Variants in KCNV2 observed in about 807,000 individuals in gnomAD.
KCNV2 encodes potassium voltage-gated channel subfamily V member 2.
KCNV2 carries 65 observed loss-of-function variants against 37.0 expected under a neutral mutation model. That is an observed-to-expected ratio of 1.76 (90% CI 1.44 to 2.16). The LOEUF (loss-of-function observed/expected upper bound fraction) is 2.16. Ranked by LOEUF, KCNV2 falls within the 30% of genes most tolerant of loss-of-function variation. The pLI, the probability that KCNV2 is intolerant of heterozygous loss-of-function variation, is 0.00. For missense variants in KCNV2, 1,232 were observed against 766.7 expected, an observed-to-expected ratio of 1.61 and a Z score of -7.17; for synonymous variants, 518 against 328.6, an observed-to-expected ratio of 1.58 and a Z score of -6.23.
intron 1 of KCNV2, among the ~76,000 whole-genome samples, chr9:2,721,676 G>C (rs144853728): frequency 2.6e-5 from 4 of 152,234 alleles, no homozygotes; most frequent in East Asian, 1.9e-4. Flanking sequence ...AAACAATCAA[G>C]TTTTTTCTCT....
chr9:2,721,528 G>A (rs1349878035), intron 1 of KCNV2, among the ~76,000 whole-genome samples: 1 of 152,116 alleles, frequency 6.6e-6, no homozygotes, highest in African/African-American at 2.4e-5. Context: ...AAAGTGAAAA[G>A]AAACAAAACA....
Position 2,718,426 on chromosome 9 carries a change from G to C in KCNV2, c.687G>C (p.Ala229=), listed in dbSNP as rs371912406. 1 of 1,605,540 alleles carries C rather than the reference G, an allele frequency of 6.2e-7. No homozygotes were observed. Among genetic ancestry groups the C allele is most frequent in the Non-Finnish European group, 8.5e-7 (1 of 1,176,948 alleles). ...ELRAQAQVEE[A]EELFRDMRFY... is the part of the protein sequence containing the mutation. The stretch of plus-strand genomic sequence containing the variant: ...GCGCGCAGGCGCAGGTCGAGGAGGC[G>C]GAGGAACTCTTCCGCGACATGCGCT... The change falls in exon 1 of 2, where the codon GCG becomes GCC. Residue 229 remains alanine (A), a synonymous_variant. Coordinates refer to ENST00000382082, the MANE Select transcript of KCNV2 (RefSeq NM_133497.4).
chr9:2,719,549 G>A (rs12336637), intron 1 of KCNV2, among the ~76,000 whole-genome samples: 1 of 151,994 alleles, frequency 6.6e-6, no homozygotes, highest in South Asian at 2.1e-4. Context: ...AAGGAGGTGA[G>A]ACTTGGCTGA....
rs376858051 is a variant in KCNV2 at position 2,718,710 on chromosome 9, C to A, written c.971C>A (p.Thr324Lys). The A allele has an allele frequency of 3.7e-6, 6 of 1,613,124 alleles. No individual in the cohort carries two copies. Among genetic ancestry groups the A allele is most frequent in the Admixed American group, 3.3e-5 (2 of 60,024 alleles). Residue 324 changes from threonine to lysine, a missense_variant, in exon 1 of 2, where the codon ACG becomes AAG. By Grantham distance (78) the Thr-to-Lys change is moderately conservative. Transcript: ENST00000382082. ...GAGTACCTGCTGCGCCTAGCCTCCA[C>A]GCCCGACCTGAGGCGCTTCGCGCGC... ...TLEYLLRLAS[T>K]PDLRRFARSA...
intron 1 of KCNV2, among the ~76,000 whole-genome samples, chr9:2,722,438 A>T (rs981137115): frequency 7.2e-6 from 1 of 138,628 alleles, no homozygotes; most frequent in Non-Finnish European, 1.5e-5. Context: ...GTTATTTATA[A>T]ATAAGTTATT....
At position 2,717,799 on chromosome 9, in the gene KCNV2, G is replaced by A. The variant is rs199939330; in HGVS notation, c.60G>A (p.Glu20=). 8.7e-6 allele frequency: 14 copies of A among 1,614,254 alleles called. No individual in the cohort carries two copies. The East Asian group carries it at 1.6e-4, about 18-fold the overall frequency. Reference sequence around the variant, plus strand: ...GCTACAGGCCCTGGAACACGACGGAGAATGAGGGCAGCCAACACCGCAGGA... The same window carrying A: ...GCTACAGGCCCTGGAACACGACGGAAAATGAGGGCAGCCAACACCGCAGGA... ...SWSYRPWNTT[E]NEGSQHRRSI... Residue 20 remains glutamate (E), a synonymous_variant, in exon 1 of 2, where the codon GAG becomes GAA. Coordinates refer to ENST00000382082, the MANE Select transcript of KCNV2 (RefSeq NM_133497.4).
chr9:2,728,525 A>G (rs191255252), intron 1 of KCNV2, among the ~76,000 whole-genome samples: 12 of 152,324 alleles, frequency 7.9e-5, no homozygotes, highest in African/African-American at 2.9e-4. Flanking sequence ...TGTTAACCTA[A>G]ATAAGTCTCC....
chr9:2,726,218 GA>G (rs1055217356), intron 1 of KCNV2, among the ~76,000 whole-genome samples: 123 of 152,248 alleles, frequency 8.1e-4, no homozygotes, highest in African/African-American at 2.8e-3. Context: ...CAAAGCCAAG[GA>G]ATCCTGAGTT....
intron 1 of KCNV2, among the ~76,000 whole-genome samples, chr9:2,720,007 C>T (rs909822342): frequency 2.6e-5 from 4 of 152,132 alleles, no homozygotes; most frequent in Non-Finnish European, 4.4e-5. Context: ...CTTCTCAGAT[C>T]GATGAATAAG....
rs574582499 is a variant in KCNV2 at position 2,718,968 on chromosome 9, A to C, written c.1229A>C (p.Gln410Pro). The C allele has an allele frequency of 4.3e-6, 7 of 1,611,252 alleles. No homozygotes were observed. In the African/African-American group the frequency reaches 9.3e-5, roughly 21 times the overall value. ...TTCACGCTGCGCCAGTGCTACCAGC[A>C]GGTGGGCTGCCTGCTGCTCTTCATC... ...FGFTLRQCYQ[Q>P]VGCLLLFIAM... The change falls in exon 1 of 2, where the codon CAG becomes CCG. Residue 410 changes from glutamine (Q) to proline (P), a missense_variant. Coordinates refer to ENST00000382082, the MANE Select transcript of KCNV2 (RefSeq NM_133497.4).
In KCNV2 at chr9:2,717,808, C is replaced by A; in HGVS notation, c.69C>A (p.Gly23=). The change falls in exon 1 of 2, where the codon GGC becomes GGA. Residue 23 remains glycine, a synonymous_variant. Transcript: ENST00000382082. ...YRPWNTTENE[G]SQHRRSICSL... The stretch of plus-strand genomic sequence containing the variant: ...CCTGGAACACGACGGAGAATGAGGG[C>A]AGCCAACACCGCAGGAGCATTTGCT... The A allele has an allele frequency of 6.2e-7, 1 of 1,614,222 alleles. No homozygotes were observed.
chr9:2,729,307 C>T lies in KCNV2; in HGVS notation c.1357-139C>T, dbSNP rs1232224105. On this transcript the variant is annotated intron_variant, in intron 1 of 1. Transcript: ENST00000382082. ...CTAGAGGGAGTCTTCCTGGTACCTCCTAAAGCAGGCTCCGTGGGAAGCCAT... is the reference window on the plus strand; with the variant it reads ...CTAGAGGGAGTCTTCCTGGTACCTCTTAAAGCAGGCTCCGTGGGAAGCCAT... The T allele has an allele frequency of 7.8e-6, 7 of 892,170 alleles. No homozygotes were observed. The South Asian group carries it at 8.4e-5, about 11-fold the overall frequency. 55.3% of individuals were successfully genotyped at this position (892,170 alleles called of 1,614,324 possible).
Position 2,718,135 on chromosome 9 carries a change from C to G in KCNV2, c.396C>G (p.Arg132=), listed in dbSNP as rs751274302. ...GTCGCCTGGCCACCTCCACCAGCCGCAGCCGCCAGCTAAGCCTGTGCGACG... is the reference window on the plus strand; with the variant it reads ...GTCGCCTGGCCACCTCCACCAGCCGGAGCCGCCAGCTAAGCCTGTGCGACG... ...RLGRLATSTS[R]SRQLSLCDDY... The change falls in exon 1 of 2, where the codon CGC becomes CGG. Residue 132 remains arginine (R), a synonymous_variant. Transcript: ENST00000382082. The G allele has an allele frequency of 5.6e-6, 9 of 1,608,682 alleles. No individual in the cohort carries two copies. In the South Asian group the frequency reaches 8.8e-5, roughly 16 times the overall value.
rs776920442 is a variant in KCNV2, at chr9:2,729,440, C to G, written c.1357-6C>G. ...ACAATTCCATCCTGCTTTCCTTCCT[C>G]TACAGGTGAGCATCTCCACCGTGGG... On this transcript the variant is annotated splice_polypyrimidine_tract_variant and splice_region_variant and intron_variant, in intron 1 of 1. Transcript: ENST00000382082. 11 of 1,613,148 alleles carry G rather than the reference C, an allele frequency of 6.8e-6. No homozygotes were observed. The highest frequency in any genetic ancestry group is 9.3e-6 in the Non-Finnish European group (11 of 1,179,968).
chr9:2,718,598 C>T lies in KCNV2; in HGVS notation c.859C>T (p.Gln287Ter), dbSNP rs761906313. The stretch of plus-strand genomic sequence containing the variant: ...GCTCAACACCGTGGAGGAGATGCAG[C>T]AGCACTCGGGGCAGGGCGAGGGCGG... ...LALNTVEEMQ[Q>*]HSGQGEGGPD... The change falls in exon 1 of 2, where the codon CAG becomes TAG. Residue 287 changes from glutamine (Q) to a stop codon, truncating the protein, a stop_gained. Transcript: ENST00000382082. LOFTEE classifies it high-confidence loss of function. 8 of 1,613,020 alleles carry T rather than the reference C, an allele frequency of 5.0e-6. No homozygotes were observed. Among genetic ancestry groups the T allele is most frequent in the Non-Finnish European group, 5.9e-6 (7 of 1,179,806 alleles).
intron 1 of KCNV2, among the ~76,000 whole-genome samples, chr9:2,726,213 C>G (rs914264620): frequency 2.0e-5 from 3 of 152,102 alleles, no homozygotes; most frequent in African/African-American, 7.2e-5. Flanking sequence ...TTCCCCAAAG[C>G]CAAGGAATCC....
In KCNV2 at chr9:2,717,984, C is replaced by T. The variant is rs370044423; in HGVS notation, c.245C>T (p.Thr82Ile). Residue 82 changes from threonine (T) to isoleucine (I), a missense_variant, in exon 1 of 2, where the codon ACC becomes ATC. Thr to Ile is a moderately conservative substitution (Grantham distance 89, BLOSUM62 -1). Transcript: ENST00000382082. ...AEEDQQAGEV[T>I]TAKPEGPSDP... ...GAGGACCAGCAGGCAGGGGAGGTCA[C>T]CACCGCCAAGCCCGAGGGCCCCAGC... The T allele has an allele frequency of 4.6e-5, 75 of 1,614,144 alleles. No homozygotes were observed. Among genetic ancestry groups the T allele is most frequent in the East Asian group, 3.8e-4 (17 of 44,860 alleles).
intron 1 of KCNV2, among the ~76,000 whole-genome samples, chr9:2,720,129 C>G (rs1255011418): frequency 2.0e-5 from 3 of 152,178 alleles, no homozygotes; most frequent in African/African-American, 7.2e-5. Context: ...TTTCCCATGT[C>G]AGAAAGTAGA....
chr9:2,730,021 A>C lies in KCNV2; in HGVS notation c.*294A>C. ...GCTTCTCGTGGCATCTAGCTCAATA[A>C]ATATTTTTGGACTTGAGTTGACTTG... On this transcript the variant is annotated 3_prime_UTR_variant, in exon 2 of 2. Transcript: ENST00000382082. 3.0e-6 allele frequency: 1 copy of C among 334,686 alleles called. No homozygotes were observed. Among genetic ancestry groups the C allele is most frequent in the Non-Finnish European group, 5.5e-6 (1 of 182,246 alleles). The allele number at this position is 334,686 out of a possible 1,614,324, so 20.7% of individuals were successfully genotyped here.
Sources: allele counts gnomAD v4.1 joint callset (sites outside exome capture counted in the v4.1 genomes callset), GRCh38; gene constraint gnomAD v4.1.1; transcripts MANE v1.5; gene names NCBI Gene and HGNC (gene_info 2026-07-23, HGNC 2026-07-21).